Variants in ATP10B observed in about 807,000 individuals in gnomAD.
ATP10B encodes ATPase phospholipid transporting 10B (putative).
In ATP10B, 122 loss-of-function variants were observed where a neutral mutation model predicts 141.2. The observed-to-expected ratio is 0.86, with a 90% confidence interval of 0.75 to 1.00. The LOEUF (loss-of-function observed/expected upper bound fraction) is 1.00, where lower values mean the gene tolerates loss of function less well. Ranked by LOEUF, ATP10B falls within the 50% of genes least tolerant of loss-of-function variation. ATP10B has a pLI of 0.00. For synonymous variants in ATP10B, 685 were observed against 692.0 expected, an observed-to-expected ratio of 0.99 and a Z score of 0.16; for missense variants, 1,876 against 1,825.3, an observed-to-expected ratio of 1.03 and a Z score of -0.51.
chr5:160,642,506 G>A (rs1759944875), intron 9 of ATP10B, among the ~76,000 whole-genome samples: 1 of 152,164 alleles, frequency 6.6e-6, no homozygotes, highest in Admixed American at 6.5e-5. Context: ...AACGTCTTGA[G>A]AAATTTGGGT....
chr5:160,918,931 A>G, the ATP10B span, among the ~76,000 whole-genome samples: 2 of 152,194 alleles, frequency 1.3e-5, no homozygotes, highest in African/African-American at 4.8e-5. Context: ...GGGACAGTAC[A>G]AAGCAGGGAG....
chr5:160,654,665 C>T (rs73818281), intron 7 of ATP10B, among the ~76,000 whole-genome samples: 1,858 of 152,220 alleles, frequency 0.012, 43 homozygotes, highest in African/African-American at 0.043. Flanking sequence ...GTCAGGATTG[C>T]CATTCACATC....
chr5:160,837,487 T>C (rs1161159345), intron 1 of ATP10B, among the ~76,000 whole-genome samples: 5 of 152,198 alleles, frequency 3.3e-5, no homozygotes, highest in Non-Finnish European at 5.9e-5. Context: ...TGTGTTACCA[T>C]TTTACTTCAT....
At chr5:160,799,249 T>G (rs375942745) in intron 1 of ATP10B, among the ~76,000 whole-genome samples, 1 of 152,222 alleles carries the variant, frequency 6.6e-6, no homozygotes, top group African/African-American at 2.4e-5. Context: ...TCCTCCACCA[T>G]GTAACTGCCC....
At chr5:160,816,055 A>C (rs1254081045) in intron 1 of ATP10B, among the ~76,000 whole-genome samples, 3 of 152,040 alleles carry the variant, frequency 2.0e-5, no homozygotes, top group Admixed American at 1.3e-4. Flanking sequence ...CCACAAGAGA[A>C]AGCATGAAAG....
At chr5:160,683,255 G>A (rs1185193659) in intron 6 of ATP10B, among the ~76,000 whole-genome samples, 1 of 151,134 alleles carries the variant, frequency 6.6e-6, no homozygotes, top group Admixed American at 6.6e-5. Context: ...GATCTAGCTG[G>A]AAAAAAAAAT....
At chr5:160,715,019 T>G (rs7736107) in intron 3 of ATP10B, among the ~76,000 whole-genome samples, 3,566 of 58,244 alleles carry the variant, frequency 0.061, 46 homozygotes, top group Middle Eastern at 0.14. Flanking sequence ...TCTCTTCAAA[T>G]CTGTCAGACA....
At chr5:160,601,037 GA>G (rs150464460) in intron 21 of ATP10B, among the ~76,000 whole-genome samples, 2,654 of 152,164 alleles carry the variant, frequency 0.017, 40 homozygotes, top group Non-Finnish European at 0.023. Context: ...TTATTCAAAA[GA>G]ATTATTCCTT....
chr5:160,771,527 ATT>A (rs1199353295), intron 2 of ATP10B, among the ~76,000 whole-genome samples: 1 of 152,186 alleles, frequency 6.6e-6, no homozygotes, highest in East Asian at 1.9e-4. Flanking sequence ...TCCTTAAAAA[ATT>A]TGATTGTGTG....
At chr5:160,865,580 TAATTA>T in the ATP10B span, among the ~76,000 whole-genome samples, 1 of 151,966 alleles carries the variant, frequency 6.6e-6, no homozygotes, top group African/African-American at 2.4e-5. Flanking sequence ...AAATGGGACC[TAATTA>T]AACTAAAAAG....
intron 24 of ATP10B, among the ~76,000 whole-genome samples, chr5:160,584,141 G>A (rs1755734328): frequency 6.6e-6 from 1 of 152,162 alleles, no homozygotes; most frequent in Non-Finnish European, 1.5e-5. Context: ...CCAGCTTTGT[G>A]ATTGAAACCC....
At chr5:160,895,594 A>G in the ATP10B span, among the ~76,000 whole-genome samples, 152 of 152,280 alleles carry the variant, frequency 1.0e-3, no homozygotes, top group Non-Finnish European at 1.6e-3. Context: ...CCACACAATA[A>G]TAGTGGGAGA....
chr5:160,814,323 AACT>A (rs1773424502), intron 1 of ATP10B, among the ~76,000 whole-genome samples: 1 of 152,206 alleles, frequency 6.6e-6, no homozygotes, highest in African/African-American at 2.4e-5. Context: ...ATGGCAAGAG[AACT>A]ACGTGATGAA....
At chr5:160,770,986 C>T (rs1214142372) in intron 2 of ATP10B, among the ~76,000 whole-genome samples, 1 of 152,158 alleles carries the variant, frequency 6.6e-6, no homozygotes, top group Middle Eastern at 3.2e-3. Flanking sequence ...TTTCTCACCA[C>T]CCTCAAAAGT....
intron 24 of ATP10B, among the ~76,000 whole-genome samples, chr5:160,572,953 AGT>A (rs1353955178): frequency 6.6e-6 from 1 of 152,216 alleles, no homozygotes; most frequent in Admixed American, 6.5e-5. Flanking sequence ...ACACAAATTC[AGT>A]GTGTATCAGT....
chr5:160,606,161 T>G (rs1757375168), intron 19 of ATP10B, among the ~76,000 whole-genome samples: 2 of 152,228 alleles, frequency 1.3e-5, no homozygotes, highest in African/African-American at 4.8e-5. Flanking sequence ...GGTTTGGTTG[T>G]TCCTGAAAGG....
At chr5:160,589,518 A>C in intron 24 of ATP10B, 74 bp downstream of exon 24, 1 of 1,180,032 alleles carries the variant, frequency 8.5e-7, no homozygotes, top group East Asian at 2.3e-5. Flanking sequence ...ACAGAATGAA[A>C]CAATTCAGAA....
intron 24 of ATP10B, among the ~76,000 whole-genome samples, chr5:160,582,152 T>C (rs546618930): frequency 6.6e-6 from 1 of 152,320 alleles, no homozygotes; most frequent in East Asian, 1.9e-4. Flanking sequence ...CACTTACATT[T>C]AAGGTTAATA....
At chr5:160,566,035 G>A (rs1754517559) in intron 25 of ATP10B, 135 bp from the exon 26 acceptor site, 3 of 792,164 alleles carry the variant, frequency 3.8e-6, no homozygotes, top group Non-Finnish European at 5.9e-6. Flanking sequence ...ATCCATGTCT[G>A]GGCACCTCTA....
Sources: allele counts gnomAD v4.1 joint callset (sites outside exome capture counted in the v4.1 genomes callset), GRCh38; gene constraint gnomAD v4.1.1; transcripts MANE v1.5; gene names NCBI Gene and HGNC (gene_info 2026-07-23, HGNC 2026-07-21).